Variants in ZNF728 observed in about 807,000 individuals in gnomAD.
ZNF728 encodes the protein zinc finger protein 728.
Under a neutral mutation model 12.5 loss-of-function variants are expected in ZNF728, and 12 were observed. The observed-to-expected ratio is 0.96, with a 90% confidence interval of 0.61 to 1.55. The LOEUF is 1.55. ZNF728 is among the 40% of genes most tolerant of loss of function. ZNF728 has a pLI of 0.00. For missense variants in ZNF728, 692 were observed against 719.2 expected (o/e 0.96, Z 0.43); for synonymous variants, 205 against 240.7 (o/e 0.85, Z 1.37).
intron 1 of ZNF728, among the ~76,000 whole-genome samples, chr19:22,990,074 G>A (rs1312129380): frequency 6.6e-6 from 1 of 151,926 alleles, no homozygotes; most frequent in Non-Finnish European, 1.5e-5. Flanking sequence ...AGAAGGCTCT[G>A]GTATATAGAA....
chr19:22,987,424 A>G (rs1222564248), intron 2 of ZNF728, 21 bp from the exon 3 acceptor site: 1 of 1,588,032 alleles, frequency 6.3e-7, no homozygotes, highest in Non-Finnish European at 8.6e-7. Flanking sequence ...AAAAATGAGT[A>G]ACATGCATCT....
intron 3 of ZNF728, among the ~76,000 whole-genome samples, chr19:22,985,486 T>A (rs289305): frequency 0.31 from 46,306 of 151,782 alleles, 9,124 homozygotes; most frequent in African/African-American, 0.57. Flanking sequence ...TAAGAGAGCT[T>A]TGAGATCCAG....
chr19:22,996,337 T>C (rs1599533619), intron 1 of ZNF728, among the ~76,000 whole-genome samples: 2 of 152,308 alleles, frequency 1.3e-5, no homozygotes, highest in East Asian at 3.9e-4. Flanking sequence ...ACACTACACA[T>C]AACTATACTA....
At chr19:22,989,826 A>ATAC (rs1215808070) in intron 1 of ZNF728, among the ~76,000 whole-genome samples, 2 of 152,172 alleles carry the variant, frequency 1.3e-5, no homozygotes, top group African/African-American at 4.8e-5. Flanking sequence ...AATAAATACT[A>ATAC]TACTGCTTCA....
At chr19:22,989,699 G>A (rs1380400964) in intron 1 of ZNF728, among the ~76,000 whole-genome samples, 1 of 152,170 alleles carries the variant, frequency 6.6e-6, no homozygotes, top group African/African-American at 2.4e-5. Context: ...TTAATGGAAA[G>A]TTCAAGATAC....
chr19:22,980,669 G>GT (rs1244259862), intron 3 of ZNF728, among the ~76,000 whole-genome samples: 26 of 150,868 alleles, frequency 1.7e-4, no homozygotes, highest in Non-Finnish European at 3.7e-4. Flanking sequence ...AATGGAAATC[G>GT]TAACAGTCTC....
At chr19:22,983,560 C>T (rs289308) in intron 3 of ZNF728, among the ~76,000 whole-genome samples, 46,557 of 151,986 alleles carry the variant, frequency 0.31, 9,249 homozygotes, top group African/African-American at 0.57. Context: ...TGCATGCATA[C>T]GTTTATTGCA....
chr19:22,996,947 G>T (rs1404530370), intron 1 of ZNF728, among the ~76,000 whole-genome samples: 5 of 152,052 alleles, frequency 3.3e-5, no homozygotes, highest in African/African-American at 4.8e-5. Context: ...GATGTTTATG[G>T]GGGGAAAAGC....
chr19:23,002,360 G>A (rs1391789281), intron 1 of ZNF728, among the ~76,000 whole-genome samples: 2 of 152,060 alleles, frequency 1.3e-5, no homozygotes, highest in East Asian at 3.9e-4. Flanking sequence ...CTATATTGGG[G>A]GAAAAAATTC....
At chr19:22,992,473 C>A (rs1969000204) in intron 1 of ZNF728, among the ~76,000 whole-genome samples, 2 of 152,140 alleles carry the variant, frequency 1.3e-5, no homozygotes, top group African/African-American at 4.8e-5. Flanking sequence ...GAACTCCTGA[C>A]CTCAGGTGAT....
intron 3 of ZNF728, among the ~76,000 whole-genome samples, chr19:22,978,447 G>A (rs1411127615): frequency 1.3e-5 from 2 of 152,208 alleles, no homozygotes; most frequent in South Asian, 2.1e-4. Flanking sequence ...GATGCTGAAA[G>A]CAGTTCTTAC....
chr19:22,984,974 C>CT (rs1968900361), intron 3 of ZNF728, among the ~76,000 whole-genome samples: 1 of 152,016 alleles, frequency 6.6e-6, no homozygotes, highest in East Asian at 1.9e-4. Context: ...CATATATATA[C>CT]TTTAACATGT....
chr19:22,984,256 A>C (rs555308919), intron 3 of ZNF728, among the ~76,000 whole-genome samples: 1 of 152,104 alleles, frequency 6.6e-6, no homozygotes, highest in African/African-American at 2.4e-5. Flanking sequence ...CAATAATAGA[A>C]AAAAATTGAA....
chr19:23,001,056 T>C (rs960854646), intron 1 of ZNF728, among the ~76,000 whole-genome samples: 1 of 138,684 alleles, frequency 7.2e-6, no homozygotes, highest in African/African-American at 3.2e-5. Flanking sequence ...CAGGAGACTC[T>C]GAACTATGCC....
Position 22,976,501 on chromosome 19 carries a change from G to C in ZNF728, c.836C>G (p.Ala279Gly), listed in dbSNP as rs1359764501. ...SSLIEHKRSHAGEKPYKCEEC... is the reference protein window; with the variant it reads ...SSLIEHKRSHGGEKPYKCEEC... ...TTCACATTTGTAGGGTTTCTCTCCAGCATGACTTCTCTTATGTTCAATAAG... is the reference window on the plus strand; with the variant it reads ...TTCACATTTGTAGGGTTTCTCTCCACCATGACTTCTCTTATGTTCAATAAG... The change falls in exon 4 of 4, where the codon GCT becomes GGT. Residue 279 changes from alanine (A) to glycine (G), a missense_variant. Physicochemically the swap from Ala to Gly is moderately conservative, Grantham distance 60 (BLOSUM62 0). This residue lies in a region of ZNF728 where 440 missense variants were observed against 459.6 expected (regional missense o/e 0.96). Coordinates refer to ENST00000594710, the MANE Select transcript of ZNF728 (RefSeq NM_001267716.2). 1 of 1,612,948 alleles carries C rather than the reference G, an allele frequency of 6.2e-7. No homozygotes were observed. Among genetic ancestry groups the C allele is most frequent in the Non-Finnish European group, 8.5e-7 (1 of 1,179,948 alleles).
rs1409577632 is a variant in ZNF728 at position 23,003,171 on chromosome 19, G to A, written c.-141C>T. ...ACCTTGACCTCCGCGTGCAGCGAGAGCCAACGGTCCTACCACATCCCGGAA... is the reference window on the plus strand; with the variant it reads ...ACCTTGACCTCCGCGTGCAGCGAGAACCAACGGTCCTACCACATCCCGGAA... On this transcript the variant is annotated 5_prime_UTR_variant, in exon 1 of 4. Transcript: ENST00000594710. 65 of 1,014,934 alleles carry A rather than the reference G, an allele frequency of 6.4e-5. 1 individual carries two copies. In the East Asian group the frequency reaches 1.8e-3, roughly 28 times the overall value. The allele number at this position is 1,014,934 out of a possible 1,614,324, so 62.9% of individuals were successfully genotyped here.
Position 22,975,898 on chromosome 19 carries a change from TAG to T in ZNF728, c.1437_1438del (p.Tyr480GlnfsTer3), listed in dbSNP as rs1968790606. The T allele has an allele frequency of 8.7e-6, 14 of 1,606,398 alleles. No homozygotes were observed. Among genetic ancestry groups the T allele is most frequent in the Non-Finnish European group, 1.2e-5 (14 of 1,174,280 alleles). Reference sequence around the variant, plus strand: ...GGCTTTGCCACATTCTTCACATTTGTAGAGTTTCTCTCCAGCATGAATTGCCT... The same window carrying T: ...GGCTTTGCCACATTCTTCACATTTGTAGTTTCTCTCCAGCATGAATTGCCT... On this transcript the variant is annotated frameshift_variant, in exon 4 of 4. Coordinates refer to ENST00000594710, the MANE Select transcript of ZNF728 (RefSeq NM_001267716.2). LOFTEE classifies it low-confidence loss of function (END_TRUNC).
chr19:23,003,047 G>T lies in ZNF728; in HGVS notation c.-17C>A. On this transcript the variant is annotated 5_prime_UTR_variant, in exon 1 of 4. Transcript: ENST00000594710. ...ACTCACCATTTCTAGGCTTCCGGGG[G>T]TCCTGGCGACTTAGTTGTGAATCTC... is the stretch of plus-strand genomic sequence containing the variant. The T allele has an allele frequency of 6.3e-7, 1 of 1,581,762 alleles. No individual in the cohort carries two copies. Among genetic ancestry groups the T allele is most frequent in the East Asian group, 2.3e-5 (1 of 43,244 alleles).
intron 1 of ZNF728, among the ~76,000 whole-genome samples, chr19:22,999,059 C>A (rs1159188953): frequency 6.6e-6 from 1 of 152,190 alleles, no homozygotes; most frequent in Non-Finnish European, 1.5e-5. Flanking sequence ...TATGTCCCTA[C>A]TAAGAACACA....
Sources: allele counts gnomAD v4.1 joint callset (sites outside exome capture counted in the v4.1 genomes callset), GRCh38; gene constraint gnomAD v4.1.1; regional missense constraint gnomAD v4.1.1; transcripts MANE v1.5; gene names NCBI Gene and HGNC (gene_info 2026-07-23, HGNC 2026-07-21).